RHOBTB1: variants seen among roughly 807,000 people sequenced by gnomAD.
The protein encoded by RHOBTB1 is rho-related BTB domain-containing protein 1.
Under a neutral mutation model 71.6 loss-of-function variants are expected in RHOBTB1, and 40 were observed. That is an observed-to-expected ratio of 0.56 (90% confidence interval 0.43 to 0.73). RHOBTB1 has a LOEUF of 0.73. Among genes scored for constraint, RHOBTB1 ranks in the 30% least tolerant of loss-of-function variants. RHOBTB1 has a pLI of 0.00. For missense variants in RHOBTB1, 797 were observed against 894.0 expected, an observed-to-expected ratio of 0.89 and a Z score of 1.38; for synonymous variants, 319 against 334.9, an observed-to-expected ratio of 0.95 and a Z score of 0.52.
chr10:60,901,132 C>G (rs1255357251), intron 4 of RHOBTB1, among the ~76,000 whole-genome samples: 1 of 152,160 alleles, frequency 6.6e-6, no homozygotes. Context: ...AAGCAAATCA[C>G]TAAAAGCATA....
intron 4 of RHOBTB1, among the ~76,000 whole-genome samples, chr10:60,895,778 G>A (rs2082135762): frequency 6.6e-6 from 1 of 152,226 alleles, no homozygotes; most frequent in Non-Finnish European, 1.5e-5. Context: ...ACAAATGCAA[G>A]TTAAGAAAAC....
downstream of RHOBTB1, among the ~76,000 whole-genome samples, chr10:60,867,209 A>T (rs192841188): frequency 8.3e-4 from 126 of 152,336 alleles, no homozygotes; most frequent in African/African-American, 2.9e-3. Context: ...CCAGGGGAGT[A>T]TCACCCTAAC....
intron 2 of RHOBTB1, among the ~76,000 whole-genome samples, chr10:60,962,282 A>G (rs2085809270): frequency 6.6e-6 from 1 of 152,138 alleles, no homozygotes; most frequent in Admixed American, 6.6e-5. Flanking sequence ...GTTGTCTGTG[A>G]CCACCAATAT....
chr10:60,988,108 G>A (rs973203241), intron 1 of RHOBTB1, among the ~76,000 whole-genome samples: 3 of 149,562 alleles, frequency 2.0e-5, no homozygotes, highest in East Asian at 2.0e-4. Flanking sequence ...ATTTTTTTTT[G>A]TATTCTTATT....
chr10:60,870,435 G>C lies in RHOBTB1; in HGVS notation c.*1047C>G, dbSNP rs756572569. ...TTCTGCAGCAACATGAATTTTCCCT[G>C]GGAAGAGTTAAAAATATGGGTCTTA... On this transcript the variant is annotated 3_prime_UTR_variant, in exon 11 of 11. Coordinates refer to ENST00000337910, the MANE Select transcript of RHOBTB1 (RefSeq NM_014836.5). The C allele has an allele frequency of 6.6e-6, 1 of 152,240 alleles. No homozygotes were observed. Among genetic ancestry groups the C allele is most frequent in the Non-Finnish European group, 1.5e-5 (1 of 68,046 alleles). The allele number at this position is 152,240 out of a possible 1,614,324, so 9.4% of individuals were successfully genotyped here.
chr10:60,973,623 GC>G (rs1241519768), intron 2 of RHOBTB1, among the ~76,000 whole-genome samples: 2 of 151,994 alleles, frequency 1.3e-5, no homozygotes, highest in Non-Finnish European at 2.9e-5. Context: ...AACACAGAAG[GC>G]CCATGAAGCA....
upstream of RHOBTB1, among the ~76,000 whole-genome samples, chr10:60,946,636 C>T (rs539106979): frequency 6.6e-6 from 1 of 152,266 alleles, no homozygotes; most frequent in African/African-American, 2.4e-5. Flanking sequence ...TTTTTAACAG[C>T]CTGCTTTTCC....
At chr10:60,933,963 T>TA (rs2084414955) in intron 2 of RHOBTB1, among the ~76,000 whole-genome samples, 1 of 152,188 alleles carries the variant, frequency 6.6e-6, no homozygotes, top group South Asian at 2.1e-4. Flanking sequence ...ATAGATATAC[T>TA]AAAATATTAA....
Position 60,877,942 on chromosome 10 carries a change from G to A in RHOBTB1, c.1692C>T (p.Asn564=). Residue 564 remains asparagine (N), a synonymous_variant, in exon 8 of 11, where the codon AAC becomes AAT. Coordinates refer to ENST00000337910, the MANE Select transcript of RHOBTB1 (RefSeq NM_014836.5). The stretch of plus-strand genomic sequence containing the variant: ...CAACCAAGTGTGGCAGGCAAAATCT[G>A]TTTGCCAAGGCAATTAATTCCAGCG... ...LDPLELIALA[N]RFCLPHLVAL... The A allele has an allele frequency of 6.2e-7, 1 of 1,613,998 alleles. No individual in the cohort carries two copies. Among genetic ancestry groups the A allele is most frequent in the Non-Finnish European group, 8.5e-7 (1 of 1,179,936 alleles).
intron 1 of RHOBTB1, among the ~76,000 whole-genome samples, chr10:60,988,497 T>A (rs77746905): frequency 0.023 from 3,543 of 151,900 alleles, 139 homozygotes; most frequent in African/African-American, 0.08. Flanking sequence ...TGTTGTTCCA[T>A]TCTTTATGTC....
At chr10:60,979,395 T>C (rs2086421374) in intron 2 of RHOBTB1, among the ~76,000 whole-genome samples, 1 of 152,018 alleles carries the variant, frequency 6.6e-6, no homozygotes, top group Non-Finnish European at 1.5e-5. Context: ...AAAAAGAAAA[T>C]ACAATGAAAC....
chr10:60,907,169 T>A (rs2082720910), intron 4 of RHOBTB1, among the ~76,000 whole-genome samples: 1 of 152,196 alleles, frequency 6.6e-6, no homozygotes, highest in African/African-American at 2.4e-5. Flanking sequence ...TTAAACCTCT[T>A]TTTCTTTATA....
intron 2 of RHOBTB1, among the ~76,000 whole-genome samples, chr10:60,927,225 T>C (rs1434184274): frequency 6.6e-6 from 1 of 152,176 alleles, no homozygotes; most frequent in East Asian, 1.9e-4. Context: ...AATGGAAAGA[T>C]ACTCCATGTT....
chr10:60,864,457 A>G (rs1314678474), downstream of RHOBTB1, among the ~76,000 whole-genome samples: 1 of 152,230 alleles, frequency 6.6e-6, no homozygotes, highest in Non-Finnish European at 1.5e-5. Flanking sequence ...ACATTTGAAT[A>G]AAACTGAAAG....
intron 1 of RHOBTB1, among the ~76,000 whole-genome samples, chr10:60,999,771 A>C (rs151162531): frequency 1.2e-3 from 182 of 152,364 alleles, no homozygotes; most frequent in African/African-American, 4.1e-3. Flanking sequence ...GGGAATGTTT[A>C]TGGTTCAGAC....
intron 7 of RHOBTB1, 65 bp downstream of exon 7, chr10:60,886,047 T>G: frequency 8.3e-7 from 1 of 1,210,646 alleles, no homozygotes; most frequent in Non-Finnish European, 1.2e-6. Context: ...TTACCCACTT[T>G]ATATAAATAC....
rs1416877392 is a variant in RHOBTB1, at chr10:60,931,631, C to G, written c.-11+10173G>C. Among the ~76,000 whole-genome samples the G allele has an allele frequency of 3.3e-5, 5 of 152,078 alleles. No homozygotes were observed. The East Asian group carries it at 9.6e-4, about 29-fold the overall frequency. ...TAAGTATAACCCTTGATTTTCACTTCTAAGAGTACACTTATACAACCCAAT... is the reference window on the plus strand; with the variant it reads ...TAAGTATAACCCTTGATTTTCACTTGTAAGAGTACACTTATACAACCCAAT... On this transcript the variant is annotated intron_variant, in intron 2 of 10. Coordinates refer to ENST00000337910, the MANE Select transcript of RHOBTB1 (RefSeq NM_014836.5).
intron 2 of RHOBTB1, among the ~76,000 whole-genome samples, chr10:60,974,965 A>G (rs2086269436): frequency 2.6e-5 from 4 of 152,046 alleles, no homozygotes; most frequent in Admixed American, 6.6e-5. Flanking sequence ...CCAGAAATGG[A>G]ACTTCTACCT....
chr10:60,988,344 G>A (rs947585835), intron 1 of RHOBTB1, among the ~76,000 whole-genome samples: 5 of 152,194 alleles, frequency 3.3e-5, no homozygotes, highest in Admixed American at 2.6e-4. Flanking sequence ...AGGGATACAT[G>A]TGCAGGTTTG....
Sources: gnomAD v4.1 joint callset for allele counts (sites outside exome capture counted in the v4.1 genomes callset) on GRCh38, gnomAD v4.1.1 for gene constraint, MANE v1.5 for transcripts, NCBI Gene and HGNC (gene_info 2026-07-23, HGNC 2026-07-21) for gene names.